Variants in IQGAP2 observed in about 807,000 individuals in gnomAD.
The protein encoded by IQGAP2 is ras GTPase-activating-like protein IQGAP2.
IQGAP2 carries 173 observed loss-of-function variants against 201.3 expected under a neutral mutation model. The ratio of observed to expected loss-of-function variants is 0.86; its 90% confidence interval spans 0.76 to 0.98. The LOEUF (loss-of-function observed/expected upper bound fraction) is 0.98. Ranked by LOEUF, IQGAP2 falls within the 50% of genes least tolerant of loss-of-function variation. The pLI is 0.00. For synonymous variants in IQGAP2, 675 were observed against 673.9 expected, an observed-to-expected ratio of 1.00 and a Z score of -0.03; for missense variants, 1,687 against 1,864.8, an observed-to-expected ratio of 0.90 and a Z score of 1.76.
chr5:76,604,636 C>A (rs1007239929), intron 11 of IQGAP2, among the ~76,000 whole-genome samples: 1 of 152,026 alleles, frequency 6.6e-6, no homozygotes, highest in Non-Finnish European at 1.5e-5. Flanking sequence ...AGCATTTAGA[C>A]GTTAAGTGTA....
At chr5:76,428,293 G>C (rs1339222378) in intron 1 of IQGAP2, among the ~76,000 whole-genome samples, 1 of 152,094 alleles carries the variant, frequency 6.6e-6, no homozygotes, top group African/African-American at 2.4e-5. Context: ...GGTCTGCTGG[G>C]TACCTGGGAA....
At chr5:76,539,461 G>A (rs1742611804) in intron 2 of IQGAP2, among the ~76,000 whole-genome samples, 1 of 152,158 alleles carries the variant, frequency 6.6e-6, no homozygotes, top group Non-Finnish European at 1.5e-5. Flanking sequence ...AGCCTGGAAG[G>A]GAGCGGGAAA....
chr5:76,618,427 T>A, intron 13 of IQGAP2: 1 of 1,614,204 alleles, frequency 6.2e-7, no homozygotes, highest in African/African-American at 1.3e-5. Context: ...ATCAGTTTAG[T>A]ACTTAAGGAG....
chr5:76,579,528 C>G (rs972699392), intron 5 of IQGAP2, among the ~76,000 whole-genome samples: 1 of 152,140 alleles, frequency 6.6e-6, no homozygotes, highest in Non-Finnish European at 1.5e-5. Context: ...CCCCTGCCCC[C>G]CTTCCCCATT....
intron 5 of IQGAP2, among the ~76,000 whole-genome samples, chr5:76,580,432 C>A (rs1745766321): frequency 6.6e-6 from 1 of 151,884 alleles, no homozygotes; most frequent in East Asian, 1.9e-4. Context: ...GACTCCGTCT[C>A]AAAGAACAAA....
intron 2 of IQGAP2, among the ~76,000 whole-genome samples, chr5:76,494,441 C>T (rs1212095134): frequency 6.6e-6 from 1 of 152,104 alleles, no homozygotes; most frequent in African/African-American, 2.4e-5. Context: ...GTGCATTCCA[C>T]TTATTCCTAA....
chr5:76,639,089 C>T (rs1751368987), intron 16 of IQGAP2, among the ~76,000 whole-genome samples: 1 of 152,192 alleles, frequency 6.6e-6, no homozygotes, highest in Non-Finnish European at 1.5e-5. Flanking sequence ...CCAAGTACCC[C>T]TCATTTGTAT....
In IQGAP2 at chr5:76,671,800, C is replaced by T. The variant is rs751260799; in HGVS notation, c.2885C>T (p.Pro962Leu). The stretch of plus-strand genomic sequence containing the variant: ...GTACAGGACATAGTTACTGGTAACC[C>T]TACAGTCATCAAGATGGTCGTCAGC... ...DQVQDIVTGNPTVIKMVVSFN... is the reference protein window; with the variant it reads ...DQVQDIVTGNLTVIKMVVSFN... The change falls in exon 24 of 36, where the codon CCT (proline) becomes CTT (leucine). Residue 962 changes from proline (P) to leucine (L), a missense_variant. Pro to Leu is a moderately conservative substitution (Grantham distance 98, BLOSUM62 -3). Coordinates refer to ENST00000274364, the MANE Select transcript of IQGAP2 (RefSeq NM_006633.5). The T allele has an allele frequency of 1.9e-5, 31 of 1,613,724 alleles. No homozygotes were observed. The highest frequency in any genetic ancestry group is 2.7e-5 in the African/African-American group (2 of 74,832).
At chr5:76,689,669 A>G (rs1580827931) in intron 30 of IQGAP2, among the ~76,000 whole-genome samples, 2 of 152,222 alleles carry the variant, frequency 1.3e-5, no homozygotes, top group African/African-American at 4.8e-5. Flanking sequence ...AGGTTCCATG[A>G]TCCCAGCTGA....
intron 2 of IQGAP2, among the ~76,000 whole-genome samples, chr5:76,550,680 C>T (rs1315037827): frequency 2.0e-5 from 3 of 152,130 alleles, no homozygotes; most frequent in Non-Finnish European, 2.9e-5. Flanking sequence ...GTAGGGTCAC[C>T]GATCAACAGG....
intron 2 of IQGAP2, among the ~76,000 whole-genome samples, chr5:76,471,364 C>CAAAAAAAAAAAACAAAAAAAAA (rs1755084204): frequency 1.4e-5 from 1 of 72,532 alleles, no homozygotes; most frequent in African/African-American, 5.2e-5. Context: ...ATAAACTAAG[C>CAAAAAAAAAAAACAAAAAAAAA]AAAAAAAAAA....
intron 28 of IQGAP2, among the ~76,000 whole-genome samples, chr5:76,679,216 C>A (rs1396960707): frequency 1.3e-5 from 2 of 152,198 alleles, no homozygotes; most frequent in Non-Finnish European, 2.9e-5. Context: ...GTGAGAGATT[C>A]TTTCCCAAGG....
At chr5:76,542,032 A>G (rs1427192806) in intron 2 of IQGAP2, among the ~76,000 whole-genome samples, 2 of 152,220 alleles carry the variant, frequency 1.3e-5, no homozygotes, top group Non-Finnish European at 2.9e-5. Flanking sequence ...CACCCAGACT[A>G]GCATGAAGTG....
At chr5:76,578,259 G>A (rs1336407126) in intron 5 of IQGAP2, among the ~76,000 whole-genome samples, 3 of 152,126 alleles carry the variant, frequency 2.0e-5, no homozygotes, top group Non-Finnish European at 2.9e-5. Context: ...CAGCAGCAAA[G>A]GGAGGAAATT....
intron 1 of IQGAP2, among the ~76,000 whole-genome samples, chr5:76,429,028 A>G (rs1426993597): frequency 6.6e-6 from 1 of 150,992 alleles, no homozygotes; most frequent in East Asian, 2.0e-4. Flanking sequence ...TCAGTGAGCC[A>G]AGATTGTGCC....
intron 35 of IQGAP2, among the ~76,000 whole-genome samples, chr5:76,706,899 C>G (rs1412646196): frequency 2.0e-5 from 3 of 152,200 alleles, no homozygotes; most frequent in Non-Finnish European, 4.4e-5. Flanking sequence ...GGAGCCCAGG[C>G]AGCCTTTATT....
intron 26 of IQGAP2, 22 bp from the exon 27 acceptor site, chr5:76,674,455 A>G (rs1421733406): frequency 2.7e-6 from 4 of 1,454,884 alleles, no homozygotes; most frequent in Non-Finnish European, 3.8e-6. Context: ...AAAAATGGTC[A>G]TGCACTTCTG....
At chr5:76,474,041 A>G (rs1755271460) in intron 2 of IQGAP2, among the ~76,000 whole-genome samples, 1 of 152,216 alleles carries the variant, frequency 6.6e-6, no homozygotes, top group South Asian at 2.1e-4. Flanking sequence ...GTGATATAGA[A>G]TGTAGAGCGA....
intron 16 of IQGAP2, 22 bp downstream of exon 16, chr5:76,637,198 GAT>G: frequency 6.3e-7 from 1 of 1,578,932 alleles, no homozygotes; most frequent in Non-Finnish European, 8.6e-7. Flanking sequence ...GTGTTTGATG[GAT>G]AACTCTACTG....
Sources: allele counts gnomAD v4.1 joint callset (sites outside exome capture counted in the v4.1 genomes callset), GRCh38; gene constraint gnomAD v4.1.1; transcripts MANE v1.5; gene names NCBI Gene and HGNC (gene_info 2026-07-23, HGNC 2026-07-21).